Variants in DERPC observed in about 807,000 individuals in gnomAD.
DERPC encodes decreased expression in renal and prostate cancer protein.
DERPC carries 1 observed loss-of-function variant against 7.2 expected under a neutral mutation model. That is an observed-to-expected ratio of 0.14 (90% confidence interval 0.05 to 0.66). The LOEUF is 0.66. Among genes scored for constraint, DERPC ranks in the 30% least tolerant of loss-of-function variants. The probability of loss-of-function intolerance (pLI) is 0.84; values close to 1 mark genes in which losing one functional copy is unlikely to be tolerated. For synonymous variants in DERPC, 185 were observed against 117.6 expected (o/e 1.57, Z -3.71); for missense variants, 502 against 299.4 (o/e 1.68, Z -4.99).
Position 69,120,732 on chromosome 16 carries a change from G to A in DERPC, c.-221-83C>T. On this transcript the variant is annotated intron_variant, in intron 2 of 2. Transcript: ENST00000519520. This position sits in a 1 kb window ranked among gnomAD's most constrained non-coding sequence, Gnocchi z 4.0. ...GCGCCTCCTAAAGCTGCTCTTGGCA[G>A]GCTATGCTGGCACCTCCAATCCCTG... 6 of 1,194,074 alleles carry A rather than the reference G, an allele frequency of 5.0e-6. No homozygotes were observed. Among genetic ancestry groups the A allele is most frequent in the Non-Finnish European group, 7.2e-6 (6 of 828,906 alleles). 74.0% of individuals were successfully genotyped at this position (1,194,074 alleles called of 1,614,324 possible). A position where few individuals can be genotyped will look rare whatever the true frequency, so the allele number is the denominator to read the frequency against.
In DERPC at chr16:69,118,193, G is replaced by A; in HGVS notation, c.*661C>T. On this transcript the variant is annotated 3_prime_UTR_variant, in exon 3 of 3. Coordinates refer to ENST00000519520, the MANE Select transcript of DERPC (RefSeq NM_001002847.4). ...AATTTTGAGGTTCTTTGATTGATTG[G>A]GAGTACCAGTGAAGAGGGAGTTGGA... The A allele has an allele frequency of 2.2e-6, 1 of 454,392 alleles. No individual in the cohort carries two copies. The highest frequency in any genetic ancestry group is 2.0e-5 in the South Asian group (1 of 49,688). 28.1% of individuals were successfully genotyped at this position (454,392 alleles called of 1,614,324 possible). A position where few individuals can be genotyped will look rare whatever the true frequency, so the allele number is the denominator to read the frequency against.
Position 69,120,452 on chromosome 16 carries a change from A to G in DERPC, c.-24T>C. The G allele has an allele frequency of 6.2e-7, 1 of 1,614,018 alleles. No homozygotes were observed. Among genetic ancestry groups the G allele is most frequent in the South Asian group, 1.1e-5 (1 of 91,076 alleles). On this transcript the variant is annotated 5_prime_UTR_variant, in exon 3 of 3. Coordinates refer to ENST00000519520, the MANE Select transcript of DERPC (RefSeq NM_001002847.4). The surrounding 1 kb of genome is among the most constrained non-coding windows in gnomAD (Gnocchi z 4.0). ...ATACTTTCTTGGGGACGCTGGTGAT[A>G]ATGGGCTTGGGGCGGGTTTTGAAAA...
chr16:69,123,649 A>AAATCAATC (rs201428860), intron 1 of DERPC, among the ~76,000 whole-genome samples: 2 of 152,134 alleles, frequency 1.3e-5, no homozygotes, highest in Non-Finnish European at 2.9e-5. Flanking sequence ...CTGTCTCAAA[A>AAATCAATC]AATCAATCAA....
intron 1 of DERPC, among the ~76,000 whole-genome samples, chr16:69,124,998 G>A (rs538436549): frequency 3.2e-4 from 48 of 151,810 alleles, no homozygotes; most frequent in East Asian, 1.4e-3. Context: ...TCCACCTCCC[G>A]AATTCAAGCA....
At chr16:69,123,947 A>AC (rs34805591) in intron 1 of DERPC, among the ~76,000 whole-genome samples, 1 of 147,640 alleles carries the variant, frequency 6.8e-6, no homozygotes, top group South Asian at 2.1e-4. Flanking sequence ...AAAAAAAAAA[A>AC]CAAAAAATTA....
chr16:69,120,888 T>C lies in DERPC; in HGVS notation c.-221-239A>G, dbSNP rs1261972082. On this transcript the variant is annotated intron_variant, in intron 2 of 2. Transcript: ENST00000519520. The surrounding 1 kb of genome is among the most constrained non-coding windows in gnomAD (Gnocchi z 4.0). The stretch of plus-strand genomic sequence containing the variant: ...TTTCCAGATTCCCCAAAATTAAATT[T>C]CCCTGCTACTGCAGAGGTAGGGGGA... The C allele has an allele frequency of 1.3e-6, 1 of 771,440 alleles. No homozygotes were observed. Among genetic ancestry groups the C allele is most frequent in the African/African-American group, 1.7e-5 (1 of 58,458 alleles). 47.8% of individuals were successfully genotyped at this position (771,440 alleles called of 1,614,324 possible).
Position 69,132,486 on chromosome 16 carries a change from G to A in DERPC, c.-282C>T. 3.8e-6 allele frequency: 1 copy of A among 263,904 alleles called. No individual in the cohort carries two copies. Among genetic ancestry groups the A allele is most frequent in the Non-Finnish European group, 7.3e-6 (1 of 137,536 alleles). 16.3% of individuals were successfully genotyped at this position (263,904 alleles called of 1,614,324 possible). ...GTGCCCCCCGCCCGCGGCCTGACCT[G>A]CAATGGCGGCCGCCGAGCGCGGCGC... On this transcript the variant is annotated splice_region_variant and 5_prime_UTR_variant, in exon 1 of 3. Coordinates refer to ENST00000519520, the MANE Select transcript of DERPC (RefSeq NM_001002847.4).
chr16:69,122,179 GA>G (rs1961723214), intron 1 of DERPC, among the ~76,000 whole-genome samples: 1 of 152,154 alleles, frequency 6.6e-6, no homozygotes, highest in Non-Finnish European at 1.5e-5. Context: ...CCCTAAGTGG[GA>G]ATTGTTCTTT....
intron 1 of DERPC, among the ~76,000 whole-genome samples, chr16:69,130,829 G>A (rs540004951): frequency 6.6e-6 from 1 of 152,162 alleles, no homozygotes; most frequent in Non-Finnish European, 1.5e-5. Flanking sequence ...AAAGCAGCAG[G>A]TCATCAGAAT....
Position 69,132,573 on chromosome 16 carries a change from C to G in DERPC, c.-369G>C, listed in dbSNP as rs982772427. 4.9e-6 allele frequency: 2 copies of G among 404,132 alleles called. No individual in the cohort carries two copies. Among genetic ancestry groups the G allele is most frequent in the African/African-American group, 2.2e-5 (1 of 45,286 alleles). The allele number at this position is 404,132 out of a possible 1,614,324, so 25.0% of individuals were successfully genotyped here. On this transcript the variant is annotated 5_prime_UTR_variant, in exon 1 of 3. Coordinates refer to ENST00000519520, the MANE Select transcript of DERPC (RefSeq NM_001002847.4). Reference sequence around the variant, plus strand: ...CCGTCGCCGCCGCCGCGAGCACTGCCTGCGCACTTCCGACTATGCGCCAGG... The same window carrying G: ...CCGTCGCCGCCGCCGCGAGCACTGCGTGCGCACTTCCGACTATGCGCCAGG...
chr16:69,123,524 G>C (rs1408973547), intron 1 of DERPC, among the ~76,000 whole-genome samples: 2 of 151,982 alleles, frequency 1.3e-5, no homozygotes, highest in Non-Finnish European at 2.9e-5. Context: ...GGGTGTGGTG[G>C]CAGGCACCCA....
intron 1 of DERPC, among the ~76,000 whole-genome samples, chr16:69,122,138 A>G (rs1480819593): frequency 3.9e-5 from 6 of 152,154 alleles, no homozygotes; most frequent in Non-Finnish European, 4.4e-5. Flanking sequence ...TAAGTCCTTT[A>G]GACACATTTT....
At position 69,121,535 on chromosome 16, in the gene DERPC, A is replaced by T. The variant is rs185007844; in HGVS notation, c.-279-42T>A. On this transcript the variant is annotated intron_variant, in intron 1 of 2. Coordinates refer to ENST00000519520, the MANE Select transcript of DERPC (RefSeq NM_001002847.4). ...AGAGATTTAGGGTAATAACAACAAC[A>T]ACTAATAATGACACCTAATGCAACC... 118 of 1,269,420 alleles carry T rather than the reference A, an allele frequency of 9.3e-5. No homozygotes were observed. In the African/African-American group the frequency reaches 1.6e-3, roughly 17 times the overall value. The allele number at this position is 1,269,420 out of a possible 1,614,324, so 78.6% of individuals were successfully genotyped here.
intron 1 of DERPC, among the ~76,000 whole-genome samples, chr16:69,123,472 C>G (rs915049822): frequency 2.0e-5 from 3 of 152,046 alleles, no homozygotes; most frequent in African/African-American, 7.2e-5. Context: ...CCCTGGCCAA[C>G]ACGGTGAAAC....
At chr16:69,129,158 C>T (rs993151374) in intron 1 of DERPC, among the ~76,000 whole-genome samples, 2 of 151,818 alleles carry the variant, frequency 1.3e-5, no homozygotes, top group Non-Finnish European at 2.9e-5. Flanking sequence ...AGGCCGGGTG[C>T]GGTGGCTCAC....
At chr16:69,121,631 C>A in intron 1 of DERPC, 138 bp from the exon 2 acceptor site, 1 of 542,108 alleles carries the variant, frequency 1.8e-6, no homozygotes, top group Non-Finnish European at 3.3e-6. Context: ...GCACCCACCA[C>A]TATGGCCAGC....
At chr16:69,127,239 C>CAA (rs532264036) in intron 1 of DERPC, among the ~76,000 whole-genome samples, 2 of 108,784 alleles carry the variant, frequency 1.8e-5, no homozygotes, top group African/African-American at 3.4e-5. Context: ...AACTCCGTCT[C>CAA]AAAAAAAAAA....
intron 1 of DERPC, among the ~76,000 whole-genome samples, chr16:69,129,246 C>G (rs1431367834): frequency 1.3e-5 from 2 of 151,622 alleles, no homozygotes; most frequent in Non-Finnish European, 2.9e-5. Context: ...CTGGATAACA[C>G]AGTGAAACCC....
chr16:69,130,782 G>A (rs889262632), intron 1 of DERPC, among the ~76,000 whole-genome samples: 3 of 152,192 alleles, frequency 2.0e-5, no homozygotes, highest in African/African-American at 7.2e-5. Context: ...CACTGTGTTA[G>A]CATATTAATG....
Sources: allele counts gnomAD v4.1 joint callset (sites outside exome capture counted in the v4.1 genomes callset), GRCh38; gene constraint gnomAD v4.1.1; non-coding constraint Gnocchi (gnomAD v3.1); transcripts MANE v1.5; gene names NCBI Gene and HGNC (gene_info 2026-07-23, HGNC 2026-07-21).